SLC16A2: variants seen among roughly 807,000 people sequenced by gnomAD.
SLC16A2 encodes the protein solute carrier family 16 member 2.
In SLC16A2, 3 loss-of-function variants were observed where a neutral mutation model predicts 27.2. The observed-to-expected ratio is 0.11, with a 90% CI of 0.05 to 0.28. SLC16A2 has a LOEUF of 0.28. Among genes scored for constraint, SLC16A2 ranks in the 10% least tolerant of loss-of-function variants. SLC16A2 has a pLI of 1.00. For missense variants in SLC16A2, 295 were observed against 458.5 expected (o/e 0.64, Z 3.26); for synonymous variants, 202 against 187.8 (o/e 1.08, Z -0.62).
rs148846901 is a variant in SLC16A2 at position 74,451,530 on chromosome X, T to C, written c.430+29463T>C. ...GAATCCCCTGTGGTTACTTTCAATG[T>C]TTTATTCCAGGCAAGGAACAAATGA... On this transcript the variant is annotated intron_variant, in intron 1 of 5. Coordinates refer to ENST00000587091, the MANE Select transcript of SLC16A2 (RefSeq NM_006517.5). Among the ~76,000 whole-genome samples the C allele has an allele frequency of 1.4e-3, 159 of 112,680 alleles. 1 individual carries two copies. The highest frequency in any genetic ancestry group is 4.8e-3 in the African/African-American group (148 of 31,120).
At position 74,532,205 on chromosome X, in the gene SLC16A2, A is replaced by G. The variant is rs1316474307; in HGVS notation, c.*652A>G. 8.6e-6 allele frequency: 1 copy of G among 116,186 alleles called. No individual in the cohort carries two copies. Among genetic ancestry groups the G allele is most frequent in the Non-Finnish European group, 1.8e-5 (1 of 55,736 alleles). The allele number at this position is 116,186 out of a possible 1,213,427, so 9.6% of individuals were successfully genotyped here. A position where few individuals can be genotyped will look rare whatever the true frequency, so the allele number is the denominator to read the frequency against. ...CTCTATTTCTTTGTATGACTGTCATAGACACATGGGTGCTTGAAGAAAGGA... is the reference window on the plus strand; with the variant it reads ...CTCTATTTCTTTGTATGACTGTCATGGACACATGGGTGCTTGAAGAAAGGA... On this transcript the variant is annotated 3_prime_UTR_variant, in exon 6 of 6. Coordinates refer to ENST00000587091, the MANE Select transcript of SLC16A2 (RefSeq NM_006517.5).
chrX:74,491,480 C>T (rs1278425562), intron 1 of SLC16A2, among the ~76,000 whole-genome samples: 1 of 112,119 alleles, frequency 8.9e-6, no homozygotes, highest in African/African-American at 3.2e-5. Context: ...TTTTAGCTAG[C>T]AGGCTTCAGA....
intron 1 of SLC16A2, among the ~76,000 whole-genome samples, chrX:74,478,994 G>T (rs1320194997): frequency 9.0e-6 from 1 of 110,557 alleles, no homozygotes. Flanking sequence ...GTATCTTTGT[G>T]GCGTTCTCTG....
At chrX:74,438,532 A>G (rs1928667230) in intron 1 of SLC16A2, among the ~76,000 whole-genome samples, 1 of 112,676 alleles carries the variant, frequency 8.9e-6, no homozygotes, top group Non-Finnish European at 1.9e-5. Context: ...TTAAAAGTGC[A>G]TACACATACA....
Position 74,520,983 on chromosome X carries a change from T to G in SLC16A2, c.431-7T>G. 2 of 1,211,770 alleles carry G rather than the reference T, an allele frequency of 1.7e-6. No individual in the cohort carries two copies. The highest frequency in any genetic ancestry group is 1.1e-6 in the Non-Finnish European group (1 of 895,390). On this transcript the variant is annotated splice_polypyrimidine_tract_variant and splice_region_variant and intron_variant, in intron 1 of 5. Transcript: ENST00000587091. The stretch of plus-strand genomic sequence containing the variant: ...CTAAAGTGTCTTTGCACTTGTTTTC[T>G]CTGCAGCATGGGTCGGAGCCCTCGC...
chrX:74,446,400 G>A (rs1028886382), intron 1 of SLC16A2, among the ~76,000 whole-genome samples: 1 of 111,356 alleles, frequency 9.0e-6, no homozygotes, highest in African/African-American at 3.3e-5. Context: ...GGAAGCTGAG[G>A]GTTGAGCCCA....
intron 1 of SLC16A2, among the ~76,000 whole-genome samples, chrX:74,448,586 C>T (rs942626545): frequency 1.8e-5 from 2 of 111,017 alleles, no homozygotes; most frequent in Non-Finnish European, 3.8e-5. Flanking sequence ...AGCTAGGCTC[C>T]CAACTTACTA....
At chrX:74,501,106 A>C (rs957914744) in intron 1 of SLC16A2, among the ~76,000 whole-genome samples, 1 of 109,667 alleles carries the variant, frequency 9.1e-6, no homozygotes, top group Non-Finnish European at 1.9e-5. Context: ...TCTTTACAAT[A>C]ACCCTACAAT....
intron 1 of SLC16A2, among the ~76,000 whole-genome samples, chrX:74,461,232 T>G (rs1042951684): frequency 1.8e-5 from 2 of 111,755 alleles, no homozygotes; most frequent in African/African-American, 6.5e-5. Flanking sequence ...TGACAAACAG[T>G]GTCATATTGG....
At chrX:74,520,948 C>G in intron 1 of SLC16A2, 42 bp from the exon 2 acceptor site, 1 of 1,205,873 alleles carries the variant, frequency 8.3e-7, no homozygotes, top group Non-Finnish European at 1.1e-6. Context: ...CCACCAGGCA[C>G]TACACTAAGC....
intron 1 of SLC16A2, among the ~76,000 whole-genome samples, chrX:74,508,706 G>A (rs934148926): frequency 7.2e-5 from 8 of 110,675 alleles, no homozygotes; most frequent in East Asian, 2.8e-4. Flanking sequence ...TTGTTTGTTC[G>A]TTTTTAACTT....
chrX:74,479,117 A>G (rs1929556966), intron 1 of SLC16A2, among the ~76,000 whole-genome samples: 1 of 112,172 alleles, frequency 8.9e-6, no homozygotes, highest in Admixed American at 9.4e-5. Flanking sequence ...ACTTTCAGGT[A>G]CACCAATCAG....
chrX:74,510,203 ATG>A (rs761333026), intron 1 of SLC16A2, among the ~76,000 whole-genome samples: 88 of 111,469 alleles, frequency 7.9e-4, no homozygotes, highest in Non-Finnish European at 1.3e-3. Flanking sequence ...TATGTTAGAT[ATG>A]TGTGTCTCTT....
intron 4 of SLC16A2, among the ~76,000 whole-genome samples, chrX:74,527,384 TTTG>T (rs764435583): frequency 1.8e-5 from 2 of 112,279 alleles, no homozygotes; most frequent in South Asian, 3.7e-4. Context: ...TTCTCTTGAG[TTTG>T]TTAAGATACT....
chrX:74,487,032 A>C (rs1031059023), intron 1 of SLC16A2, among the ~76,000 whole-genome samples: 34 of 112,201 alleles, frequency 3.0e-4, no homozygotes, highest in Non-Finnish European at 4.9e-4. Flanking sequence ...TAAACATCTT[A>C]AATTTTATAA....
chrX:74,497,200 A>C (rs1929952965), intron 1 of SLC16A2, among the ~76,000 whole-genome samples: 1 of 111,723 alleles, frequency 9.0e-6, no homozygotes, highest in African/African-American at 3.3e-5. Context: ...GTCCGGGGTG[A>C]AGCCCCAGCC....
intron 1 of SLC16A2, among the ~76,000 whole-genome samples, chrX:74,457,947 A>G (rs962498128): frequency 8.9e-6 from 1 of 111,951 alleles, no homozygotes; most frequent in Non-Finnish European, 1.9e-5. Flanking sequence ...TTGCCCAGGG[A>G]TAAGTAAGTA....
chrX:74,454,747 C>G (rs1024835614), intron 1 of SLC16A2, among the ~76,000 whole-genome samples: 2 of 111,324 alleles, frequency 1.8e-5, no homozygotes, highest in Non-Finnish European at 3.8e-5. Context: ...TACCGCTGGG[C>G]TTTTGACTAC....
chrX:74,492,328 G>T (rs1197860853), intron 1 of SLC16A2, among the ~76,000 whole-genome samples: 1 of 111,237 alleles, frequency 9.0e-6, no homozygotes, highest in Non-Finnish European at 1.9e-5. Flanking sequence ...ACAAGAAAAA[G>T]TACATTCTAA....
Sources: gnomAD v4.1 joint callset for allele counts (sites outside exome capture counted in the v4.1 genomes callset) on GRCh38, gnomAD v4.1.1 for gene constraint, MANE v1.5 for transcripts, NCBI Gene and HGNC (gene_info 2026-07-23, HGNC 2026-07-21) for gene names.